Variants in FBXL18 observed in about 807,000 individuals in gnomAD.
FBXL18 encodes F-box and leucine rich repeat protein 18.
FBXL18 carries 36 observed loss-of-function variants against 46.0 expected under a neutral mutation model. The ratio of observed to expected loss-of-function variants is 0.78; its 90% CI spans 0.60 to 1.03. The LOEUF (loss-of-function observed/expected upper bound fraction) is 1.03. Ranked by LOEUF, FBXL18 falls within the 50% of genes least tolerant of loss-of-function variation. The pLI is 0.00. For missense variants in FBXL18, 977 were observed against 1,004.1 expected (o/e 0.97, Z 0.36); for synonymous variants, 557 against 465.3 (o/e 1.20, Z -2.54).
intron 1 of FBXL18, among the ~76,000 whole-genome samples, chr7:5,506,876 C>T (rs974650716): frequency 1.3e-5 from 2 of 152,198 alleles, no homozygotes; most frequent in Non-Finnish European, 2.9e-5. Context: ...TGCTGTAGTT[C>T]ATATCTGGCA....
At chr7:5,492,691 T>C (rs1293808952) in intron 3 of FBXL18, among the ~76,000 whole-genome samples, 1 of 152,070 alleles carries the variant, frequency 6.6e-6, no homozygotes, top group African/African-American at 2.4e-5. Context: ...TGGTTCCTTA[T>C]AAGGCCAGGT....
intron 3 of FBXL18, among the ~76,000 whole-genome samples, chr7:5,493,794 C>T (rs779076808): frequency 6.6e-6 from 1 of 151,890 alleles, no homozygotes; most frequent in Non-Finnish European, 1.5e-5. Flanking sequence ...GGATTATAGG[C>T]GTGAGCCACC....
intron 2 of FBXL18, 122 bp from the exon 3 acceptor site, chr7:5,502,153 C>CCGGGAGGGAAG: frequency 1.7e-5 from 12 of 712,770 alleles, no homozygotes; most frequent in Non-Finnish European, 2.8e-5. Context: ...AAGCTCCCCA[C>CCGGGAGGGAAG]CTCTCGCTGC....
intron 4 of FBXL18, among the ~76,000 whole-genome samples, chr7:5,463,625 GA>G (rs979883061): frequency 4.5e-4 from 58 of 128,968 alleles, no homozygotes; most frequent in Admixed American, 1.4e-3. Context: ...TGTCAAAACA[GA>G]AAAAAAAAAG....
chr7:5,459,165 A>G (rs1783210696), intron 4 of FBXL18, among the ~76,000 whole-genome samples: 1 of 152,206 alleles, frequency 6.6e-6, no homozygotes. Context: ...GAAAGAAAAA[A>G]ACAGAAAGAG....
rs1167877288 is a variant in FBXL18, at chr7:5,480,038, A to T, written c.*1737T>A. On this transcript the variant is annotated 3_prime_UTR_variant, in exon 5 of 5. Coordinates refer to ENST00000382368, the MANE Select transcript of FBXL18 (RefSeq NM_024963.6). ...CCCACAGCTCTGACCCCAGTTCTCC[A>T]AAGGCCTCCTGGACAAGGAGCTTGG... Among the ~76,000 whole-genome samples, 1 of 152,158 alleles carries T rather than the reference A, an allele frequency of 6.6e-6. No homozygotes were observed. The highest frequency in any genetic ancestry group is 1.5e-5 in the Non-Finnish European group (1 of 68,004).
intron 3 of FBXL18, among the ~76,000 whole-genome samples, chr7:5,497,528 GGGA>G (rs1261628861): frequency 6.6e-6 from 1 of 152,198 alleles, no homozygotes; most frequent in African/African-American, 2.4e-5. Flanking sequence ...GGTCTGCAGT[GGGA>G]GGAGGTCGAG....
At chr7:5,469,717 G>C (rs1245796488) in intron 4 of FBXL18, among the ~76,000 whole-genome samples, 1 of 152,098 alleles carries the variant, frequency 6.6e-6, no homozygotes, top group Non-Finnish European at 1.5e-5. Flanking sequence ...CGTGTAAGTA[G>C]AGTGCGTGTG....
downstream of FBXL18, among the ~76,000 whole-genome samples, chr7:5,474,767 G>C (rs1263191853): frequency 1.3e-5 from 2 of 150,718 alleles, no homozygotes; most frequent in Non-Finnish European, 3.0e-5. Context: ...GAGTGCAGTG[G>C]CGCGATCTCG....
intron 4 of FBXL18, among the ~76,000 whole-genome samples, chr7:5,487,759 T>A (rs7786937): frequency 0.037 from 5,580 of 152,140 alleles, 354 homozygotes; most frequent in African/African-American, 0.13. Context: ...GGAGGCACAC[T>A]GCGAACACGG....
At chr7:5,488,335 G>A (rs148939869) in intron 4 of FBXL18, among the ~76,000 whole-genome samples, 90 of 152,368 alleles carry the variant, frequency 5.9e-4, no homozygotes, top group African/African-American at 2.0e-3. Flanking sequence ...GCGCCATGCA[G>A]AGAGGATTCT....
chr7:5,489,042 C>A, intron 4 of FBXL18: 1 of 303,184 alleles, frequency 3.3e-6, no homozygotes, highest in Non-Finnish European at 6.5e-6. Flanking sequence ...AGCTGCCACC[C>A]AGGCTGCCCC....
chr7:5,464,574 A>C (rs1369847748), intron 4 of FBXL18, among the ~76,000 whole-genome samples: 1 of 148,604 alleles, frequency 6.7e-6, no homozygotes, highest in East Asian at 2.1e-4. Flanking sequence ...GGGGCAGAAG[A>C]ATTGCTTCAA....
rs1307618268 is a variant in FBXL18, at chr7:5,480,546, A to ATTTTTT, written c.*1228_*1229insAAAAAA. The ATTTTTT allele has an allele frequency of 1.8e-5, 1 of 55,414 alleles. No homozygotes were observed. The highest frequency in any genetic ancestry group is 3.3e-5 in the Non-Finnish European group (1 of 30,440). 3.4% of individuals were successfully genotyped at this position (55,414 alleles called of 1,614,324 possible). ...GTGTTGAATATATATATATATATAT[A>ATTTTTT]TATTTTTTTTTTTTTTTTTTTTTTT... On this transcript the variant is annotated 3_prime_UTR_variant, in exon 5 of 5. Coordinates refer to ENST00000382368, the MANE Select transcript of FBXL18 (RefSeq NM_024963.6).
At chr7:5,498,457 A>AACTCCAGGTACAG (rs1468570903) in intron 3 of FBXL18, among the ~76,000 whole-genome samples, 1 of 152,154 alleles carries the variant, frequency 6.6e-6, no homozygotes, top group Non-Finnish European at 1.5e-5. Context: ...ACGCTCAGTC[A>AACTCCAGGTACAG]ACTCCAGGTA....
intron 3 of FBXL18, among the ~76,000 whole-genome samples, chr7:5,498,173 C>T (rs1432519294): frequency 1.3e-5 from 2 of 151,182 alleles, no homozygotes; most frequent in African/African-American, 4.9e-5. Context: ...CTGCAAGATC[C>T]GCCTCCCGGG....
downstream of FBXL18, among the ~76,000 whole-genome samples, chr7:5,471,072 G>A (rs1308456435): frequency 2.0e-5 from 3 of 152,156 alleles, no homozygotes; most frequent in East Asian, 1.9e-4. Context: ...GCTGACCCCC[G>A]GGCGCCCCGA....
rs947021921 is a variant in FBXL18, at chr7:5,492,381, C to G, written c.1782-932G>C. Reference sequence around the variant, plus strand: ...CTGGACTGTGGCAGGTTGTGGGGTGCAGCGAGCCCCTGAGATAAGAATCAA... The same window carrying G: ...CTGGACTGTGGCAGGTTGTGGGGTGGAGCGAGCCCCTGAGATAAGAATCAA... On this transcript the variant is annotated intron_variant, in intron 3 of 4. Transcript: ENST00000382368. 2.6e-5 allele frequency among the ~76,000 whole-genome samples: 4 copies of G among 151,246 alleles called. No individual in the cohort carries two copies. The Admixed American group carries it at 2.6e-4, about 10-fold the overall frequency.
In FBXL18 at chr7:5,500,949, G is replaced by A. The variant is rs752096256; in HGVS notation, c.1320C>T (p.Ala440=). Residue 440 remains alanine, a synonymous_variant, in exon 3 of 5, where the codon GCC becomes GCT. Transcript: ENST00000382368. ...PRADRAPAQP[A]MHAVPRGFGK... ...CAAAGCCGCGCGGCACTGCGTGCATGGCCGGCTGGGCGGGCGCGCGGTCGG... is the reference window on the plus strand; with the variant it reads ...CAAAGCCGCGCGGCACTGCGTGCATAGCCGGCTGGGCGGGCGCGCGGTCGG... The A allele has an allele frequency of 5.8e-6, 9 of 1,541,100 alleles. No individual in the cohort carries two copies. The South Asian group carries it at 6.2e-5, about 11-fold the overall frequency.
Sources: gnomAD v4.1 joint callset for allele counts (sites outside exome capture counted in the v4.1 genomes callset) on GRCh38, gnomAD v4.1.1 for gene constraint, MANE v1.5 for transcripts, NCBI Gene and HGNC (gene_info 2026-07-23, HGNC 2026-07-21) for gene names.